Variants in GRHL2 observed in about 807,000 individuals in gnomAD.
GRHL2 encodes the protein grainyhead-like protein 2 homolog.
A neutral mutation model predicts 83.8 loss-of-function variants in GRHL2; 21 were observed. The observed-to-expected ratio is 0.25, with a 90% CI of 0.18 to 0.36. GRHL2 has a LOEUF of 0.36. Among genes scored for constraint, GRHL2 ranks in the 10% least tolerant of loss-of-function variants. The pLI is 1.00. For synonymous variants in GRHL2, 280 were observed against 278.9 expected (o/e 1.00, Z -0.04); for missense variants, 623 against 781.8 (o/e 0.80, Z 2.42).
intron 6 of GRHL2, among the ~76,000 whole-genome samples, chr8:101,574,631 G>A (rs1563587822): frequency 2.6e-5 from 4 of 152,204 alleles, no homozygotes; most frequent in Admixed American, 1.3e-4. Context: ...TGCCTACAGC[G>A]CCACAACTCG....
intron 12 of GRHL2, among the ~76,000 whole-genome samples, chr8:101,642,683 T>C (rs1219971282): frequency 1.3e-5 from 2 of 152,230 alleles, no homozygotes; most frequent in African/African-American, 2.4e-5. Context: ...GTTGTTTCCA[T>C]AGTTTGACTT....
intron 1 of GRHL2, among the ~76,000 whole-genome samples, chr8:101,515,878 G>T (rs139607985): frequency 6.6e-6 from 1 of 152,116 alleles, no homozygotes; most frequent in East Asian, 1.9e-4. Flanking sequence ...GTTACTGTAC[G>T]TAGTGTGTCA....
intron 8 of GRHL2, among the ~76,000 whole-genome samples, chr8:101,609,827 G>A (rs1464269876): frequency 6.6e-6 from 1 of 151,042 alleles, no homozygotes; most frequent in Non-Finnish European, 1.5e-5. Context: ...AAACAAGGAA[G>A]GGAGGTCATT....
intron 7 of GRHL2, among the ~76,000 whole-genome samples, chr8:101,589,024 C>T (rs929991219): frequency 1.3e-5 from 2 of 152,154 alleles, no homozygotes; most frequent in Non-Finnish European, 2.9e-5. Flanking sequence ...GTGATTACTG[C>T]TGATTAACCA....
chr8:101,594,988 C>A (rs1586129078), intron 7 of GRHL2, among the ~76,000 whole-genome samples: 1 of 152,180 alleles, frequency 6.6e-6, no homozygotes, highest in Non-Finnish European at 1.5e-5. Context: ...TCTTACTATC[C>A]TTTTGTTTTG....
At position 101,591,016 on chromosome 8, in the gene GRHL2, T is replaced by G. The variant is rs116080171; in HGVS notation, c.1004-8041T>G. Reference sequence around the variant, plus strand: ...TCAATTAAGGTGGAGGAATTAACACTGCCTTTGACGGGATTTCCAGAATCA... The same window carrying G: ...TCAATTAAGGTGGAGGAATTAACACGGCCTTTGACGGGATTTCCAGAATCA... On this transcript the variant is annotated intron_variant, in intron 7 of 15. Coordinates refer to ENST00000646743, the MANE Select transcript of GRHL2 (RefSeq NM_024915.4). 7.4e-3 allele frequency among the ~76,000 whole-genome samples: 1,120 copies of G among 152,338 alleles called. 18 individuals carry two copies. The highest frequency in any genetic ancestry group is 0.025 in the African/African-American group (1,036 of 41,566).
chr8:101,572,764 C>T (rs922078665), intron 5 of GRHL2, among the ~76,000 whole-genome samples: 10 of 151,930 alleles, frequency 6.6e-5, no homozygotes, highest in African/African-American at 2.2e-4. Flanking sequence ...ATATACTCTT[C>T]GAAGTTGGGA....
At chr8:101,538,953 G>T (rs983071807) in intron 1 of GRHL2, among the ~76,000 whole-genome samples, 13 of 152,176 alleles carry the variant, frequency 8.5e-5, no homozygotes, top group African/African-American at 3.1e-4. Flanking sequence ...CACTGATCAC[G>T]TAAGGATTCA....
chr8:101,587,270 G>C (rs991109035), intron 7 of GRHL2, among the ~76,000 whole-genome samples: 2 of 152,190 alleles, frequency 1.3e-5, no homozygotes, highest in Non-Finnish European at 2.9e-5. Flanking sequence ...GCCATGAGCA[G>C]TTAACCAGAA....
chr8:101,631,213 A>T (rs924412589), intron 9 of GRHL2, among the ~76,000 whole-genome samples: 1 of 152,250 alleles, frequency 6.6e-6, no homozygotes, highest in African/African-American at 2.4e-5. Flanking sequence ...GAAACATTTT[A>T]TAGGGAATTC....
chr8:101,644,234 C>T lies in GRHL2; in HGVS notation c.1612+9C>T, dbSNP rs759181155. On this transcript the variant is annotated intron_variant, in intron 13 of 15. Coordinates refer to ENST00000646743, the MANE Select transcript of GRHL2 (RefSeq NM_024915.4). ...AGAAGGGACAAAGCGAGGTATCTCT[C>T]CTGCTGGGGCATGCCCTCTCAGAAG... The T allele has an allele frequency of 6.2e-6, 10 of 1,607,292 alleles. No individual in the cohort carries two copies. The East Asian group carries it at 1.6e-4, about 25-fold the overall frequency.
chr8:101,613,174 G>A (rs1423023713), intron 8 of GRHL2, among the ~76,000 whole-genome samples: 2 of 150,802 alleles, frequency 1.3e-5, no homozygotes, highest in Non-Finnish European at 2.9e-5. Flanking sequence ...TCTGAAAGGA[G>A]AACAAACAAA....
downstream of GRHL2, among the ~76,000 whole-genome samples, chr8:101,673,299 G>A (rs1041182644): frequency 6.6e-6 from 1 of 151,990 alleles, no homozygotes; most frequent in African/African-American, 2.4e-5. Context: ...GCTGTATTCA[G>A]GAAACCCATC....
At position 101,652,499 on chromosome 8, in the gene GRHL2, TGTGTGTGTGTG is replaced by T. The variant is rs1420544005; in HGVS notation, c.1698+3034_1698+3044del. Among the ~76,000 whole-genome samples, 69 of 38,780 alleles carry T rather than the reference TGTGTGTGTGTG, an allele frequency of 1.8e-3. 7 individuals carry two copies. The highest frequency in any genetic ancestry group is 6.4e-3 in the African/African-American group (19 of 2,972). 25.4% of individuals were successfully genotyped at this position (38,780 alleles called of 152,430 possible). A position where few individuals can be genotyped will look rare whatever the true frequency, so the allele number is the denominator to read the frequency against. On this transcript the variant is annotated intron_variant, in intron 14 of 15. Transcript: ENST00000646743. ...GTGTGGTATGTGTGTATGTGTGTGGTGTGTGTGTGTGGTGTGTGTGTGGTGTGTGTGTGGTG... is the reference window on the plus strand; with the variant it reads ...GTGTGGTATGTGTGTATGTGTGTGGTGTGTGTGTGTGGTGTGTGTGTGGTG...
At chr8:101,554,346 G>A (rs562100672) in intron 3 of GRHL2, among the ~76,000 whole-genome samples, 191 of 152,278 alleles carry the variant, frequency 1.3e-3, no homozygotes, top group African/African-American at 4.4e-3. Context: ...TTAAACTTGT[G>A]CTATCTGCTT....
intron 7 of GRHL2, among the ~76,000 whole-genome samples, chr8:101,593,066 C>T (rs1220694177): frequency 6.6e-6 from 1 of 152,136 alleles, no homozygotes; most frequent in East Asian, 1.9e-4. Flanking sequence ...CCTGCCTCAG[C>T]CTTCAGAGTA....
At chr8:101,496,113 A>T (rs1247248708) in intron 1 of GRHL2, among the ~76,000 whole-genome samples, 2 of 140,848 alleles carry the variant, frequency 1.4e-5, no homozygotes, top group East Asian at 4.0e-4. Context: ...ACACCACTGC[A>T]CTCCAGCCTG....
At chr8:101,542,594 C>T (rs945620551) in intron 1 of GRHL2, among the ~76,000 whole-genome samples, 3 of 151,868 alleles carry the variant, frequency 2.0e-5, no homozygotes, top group Admixed American at 6.6e-5. Context: ...AATTACTTGG[C>T]CCCTAGAATG....
At chr8:101,545,464 A>G (rs1811242505) in intron 2 of GRHL2, among the ~76,000 whole-genome samples, 1 of 151,258 alleles carries the variant, frequency 6.6e-6, no homozygotes, top group Non-Finnish European at 1.5e-5. Context: ...AAAAAAAAAA[A>G]AAAAAAAAGT....
Sources: allele counts gnomAD v4.1 joint callset (sites outside exome capture counted in the v4.1 genomes callset), GRCh38; gene constraint gnomAD v4.1.1; transcripts MANE v1.5; gene names NCBI Gene and HGNC (gene_info 2026-07-23, HGNC 2026-07-21).